SLC15A2: variants seen among roughly 807,000 people sequenced by gnomAD.
The protein encoded by SLC15A2 is solute carrier family 15 member 2, also known as kidney H(+)/peptide cotransporter.
A neutral mutation model predicts 95.5 loss-of-function variants in SLC15A2; 77 were observed. The ratio of observed to expected loss-of-function variants is 0.81; its 90% CI spans 0.67 to 0.97. The LOEUF is 0.97. Ranked by LOEUF, SLC15A2 falls within the 50% of genes least tolerant of loss-of-function variation. SLC15A2 has a pLI of 0.00. For missense variants in SLC15A2, 893 were observed against 874.4 expected (o/e 1.02, Z -0.27); for synonymous variants, 306 against 306.9 (o/e 1.00, Z 0.03).
intron 5 of SLC15A2, 32 bp downstream of exon 5, chr3:121,913,152 A>C: frequency 6.5e-7 from 1 of 1,542,808 alleles, no homozygotes; most frequent in Non-Finnish European, 9.0e-7. Flanking sequence ...ATTTTCAAGA[A>C]TATAGAGCCA....
intron 19 of SLC15A2, among the ~76,000 whole-genome samples, chr3:121,938,504 TC>T (rs1490483433): frequency 6.6e-6 from 1 of 152,168 alleles, no homozygotes; most frequent in Non-Finnish European, 1.5e-5. Flanking sequence ...AGCGCAGTAT[TC>T]CGGTGGGAGT....
At chr3:121,933,588 C>T (rs1239889272) in intron 19 of SLC15A2, among the ~76,000 whole-genome samples, 142 of 149,784 alleles carry the variant, frequency 9.5e-4, no homozygotes, top group African/African-American at 3.1e-3. Flanking sequence ...TCATGTCCTT[C>T]GCCCACTTTT....
chr3:121,903,986 G>A (rs1281097906), intron 3 of SLC15A2, among the ~76,000 whole-genome samples: 1 of 152,290 alleles, frequency 6.6e-6, no homozygotes, highest in East Asian at 1.9e-4. Context: ...CCATGAGCAT[G>A]GAATGTTCTT....
At chr3:121,934,992 A>G (rs1263743281) in intron 19 of SLC15A2, among the ~76,000 whole-genome samples, 1 of 152,090 alleles carries the variant, frequency 6.6e-6, no homozygotes, top group Non-Finnish European at 1.5e-5. Flanking sequence ...GAATTTTGTC[A>G]AAGGCCTTTT....
intron 1 of SLC15A2, among the ~76,000 whole-genome samples, chr3:121,896,125 G>A (rs570804954): frequency 9.0e-4 from 137 of 152,288 alleles, no homozygotes; most frequent in African/African-American, 3.2e-3. Context: ...TTTTCATTTA[G>A]TAGTTGTGGG....
intron 5 of SLC15A2, 60 bp from the exon 6 acceptor site, chr3:121,915,167 G>T: frequency 7.5e-7 from 1 of 1,342,262 alleles, no homozygotes; most frequent in South Asian, 1.2e-5. Context: ...GAATCTGAAC[G>T]TGGAGTGGGG....
chr3:121,911,944 C>T (rs1184854139), intron 4 of SLC15A2, among the ~76,000 whole-genome samples: 1 of 152,096 alleles, frequency 6.6e-6, no homozygotes, highest in Non-Finnish European at 1.5e-5. Context: ...TTTTATTCAT[C>T]CATGCATCTA....
At chr3:121,914,377 G>A (rs954983635) in intron 5 of SLC15A2, among the ~76,000 whole-genome samples, 76 of 152,252 alleles carry the variant, frequency 5.0e-4, no homozygotes, top group African/African-American at 1.8e-3. Context: ...GTTTCATTTG[G>A]TAACTGCTCC....
intron 7 of SLC15A2, among the ~76,000 whole-genome samples, chr3:121,920,099 T>G (rs909225233): frequency 4.6e-5 from 7 of 152,328 alleles, no homozygotes; most frequent in Middle Eastern, 3.4e-3. Context: ...TATACTCATC[T>G]TCTTTAGTTA....
chr3:121,897,003 G>GCTGTTA (rs1709430912), intron 2 of SLC15A2, among the ~76,000 whole-genome samples: 2 of 149,892 alleles, frequency 1.3e-5, no homozygotes, highest in East Asian at 4.1e-4. Flanking sequence ...CTTGGCTAAG[G>GCTGTTA]GCTCATACCT....
rs1710152240 is a variant in SLC15A2, at chr3:121,927,849, G to C, written c.1206+10G>C. 1 of 1,600,916 alleles carries C rather than the reference G, an allele frequency of 6.2e-7. No individual in the cohort carries two copies. Among genetic ancestry groups the C allele is most frequent in the East Asian group, 2.2e-5 (1 of 44,798 alleles). ...AGAGATAAAAATAAATGTGAGTTCA[G>C]TAATTCTTAAGCTCTATGAGGGCAG... is the stretch of plus-strand genomic sequence containing the variant. On this transcript the variant is annotated intron_variant, in intron 14 of 21. Transcript: ENST00000489711.
chr3:121,922,649 T>C, intron 8 of SLC15A2, 126 bp from the exon 9 acceptor site: 4 of 592,266 alleles, frequency 6.8e-6, no homozygotes, highest in Non-Finnish European at 1.2e-5. Context: ...ATTCAATGCC[T>C]GATTAGGTCA....
intron 19 of SLC15A2, among the ~76,000 whole-genome samples, chr3:121,938,305 T>C (rs1576694607): frequency 6.6e-6 from 1 of 152,256 alleles, no homozygotes; most frequent in African/African-American, 2.4e-5. Flanking sequence ...AGTTGGAGCT[T>C]CTCGGCTGCT....
chr3:121,919,147 C>T (rs1709955266), intron 7 of SLC15A2, among the ~76,000 whole-genome samples: 1 of 152,218 alleles, frequency 6.6e-6, no homozygotes, highest in South Asian at 2.1e-4. Context: ...AATGTTACAG[C>T]TGTTCACTCC....
chr3:121,933,147 A>C (rs1353055782), intron 19 of SLC15A2, among the ~76,000 whole-genome samples: 2 of 144,590 alleles, frequency 1.4e-5, no homozygotes, highest in African/African-American at 5.2e-5. Flanking sequence ...ACATTTTCTT[A>C]ATCCAGTCTA....
chr3:121,903,351 T>G (rs1039287285), intron 3 of SLC15A2, among the ~76,000 whole-genome samples: 1 of 152,224 alleles, frequency 6.6e-6, no homozygotes, highest in Non-Finnish European at 1.5e-5. Flanking sequence ...GCTCTTTAAT[T>G]TAATTAGATC....
chr3:121,936,029 A>G (rs544905200), intron 19 of SLC15A2, among the ~76,000 whole-genome samples: 1 of 152,282 alleles, frequency 6.6e-6, no homozygotes, highest in South Asian at 2.1e-4. Context: ...TGTACCCAGT[A>G]GTCATTCAGG....
intron 3 of SLC15A2, among the ~76,000 whole-genome samples, chr3:121,906,755 T>A (rs368269960): frequency 4.6e-5 from 7 of 152,342 alleles, no homozygotes; most frequent in Admixed American, 2.0e-4. Flanking sequence ...CTTCCCTTTG[T>A]GGGTAACCCG....
At chr3:121,904,396 A>C (rs904885083) in intron 3 of SLC15A2, among the ~76,000 whole-genome samples, 3 of 152,136 alleles carry the variant, frequency 2.0e-5, no homozygotes, top group African/African-American at 7.2e-5. Flanking sequence ...TGTTGAATAG[A>C]AGTGGTGAGA....
Sources: allele counts gnomAD v4.1 joint callset (sites outside exome capture counted in the v4.1 genomes callset), GRCh38; gene constraint gnomAD v4.1.1; transcripts MANE v1.5; gene names NCBI Gene and HGNC (gene_info 2026-07-23, HGNC 2026-07-21).